Variants in GNAI3 observed in about 807,000 individuals in gnomAD.
The protein encoded by GNAI3 is guanine nucleotide-binding protein G(i) subunit alpha-3.
In GNAI3, 12 loss-of-function variants were observed where a neutral mutation model predicts 41.8. The ratio of observed to expected loss-of-function variants is 0.29; its 90% CI spans 0.18 to 0.47. The LOEUF (loss-of-function observed/expected upper bound fraction) is 0.47, where lower values mean the gene tolerates loss of function less well. Ranked by LOEUF, GNAI3 falls within the 20% of genes least tolerant of loss-of-function variation. The pLI, the probability that GNAI3 is intolerant of heterozygous loss-of-function variation, is 1.00. For synonymous variants in GNAI3, 132 were observed against 146.5 expected (o/e 0.90, Z 0.71); for missense variants, 360 against 429.6 (o/e 0.84, Z 1.43).
intron 1 of GNAI3, among the ~76,000 whole-genome samples, chr1:109,570,063 A>G (rs948802013): frequency 6.6e-6 from 1 of 152,170 alleles, no homozygotes; most frequent in Non-Finnish European, 1.5e-5. Flanking sequence ...ACTGGTATGC[A>G]TTTGTATTTT....
intron 1 of GNAI3, among the ~76,000 whole-genome samples, chr1:109,562,404 C>A (rs560171973): frequency 1.3e-5 from 2 of 152,096 alleles, no homozygotes; most frequent in Non-Finnish European, 2.9e-5. Flanking sequence ...GTCCTGGAAC[C>A]AGTCCCCTGC....
intron 7 of GNAI3, among the ~76,000 whole-genome samples, chr1:109,591,358 G>A (rs1168813945): frequency 6.6e-6 from 1 of 151,402 alleles, no homozygotes. Flanking sequence ...CCATCTTTTA[G>A]TAACATAAGG....
chr1:109,582,498 C>A lies in GNAI3; in HGVS notation c.523C>A (p.Leu175Ile). The stretch of plus-strand genomic sequence containing the variant: ...CTACATTCCAACTCAGCAAGATGTT[C>A]TTCGGACGAGAGTGAAGACCACAGG... Reference protein sequence around the residue: ...SNYIPTQQDVLRTRVKTTGIV... With the variant: ...SNYIPTQQDVIRTRVKTTGIV... The change falls in exon 5 of 9, where the codon CTT (leucine) becomes ATT (isoleucine). Residue 175 changes from leucine to isoleucine, a missense_variant. By Grantham distance (5) the Leu-to-Ile change is conservative. Transcript: ENST00000369851. 1 of 1,597,954 alleles carries A rather than the reference C, an allele frequency of 6.3e-7. No individual in the cohort carries two copies. Among genetic ancestry groups the A allele is most frequent in the South Asian group, 1.1e-5 (1 of 90,726 alleles).
intron 1 of GNAI3, among the ~76,000 whole-genome samples, chr1:109,559,347 A>C (rs1169868516): frequency 6.6e-6 from 1 of 152,208 alleles, no homozygotes; most frequent in East Asian, 1.9e-4. Flanking sequence ...TCACATCAGA[A>C]ATAGGAGATA....
intron 1 of GNAI3, among the ~76,000 whole-genome samples, chr1:109,555,653 G>A (rs1443359875): frequency 6.6e-6 from 1 of 151,858 alleles, no homozygotes; most frequent in Admixed American, 6.6e-5. Flanking sequence ...CTGCTACTAC[G>A]TTTCTTTAAA....
In GNAI3 at chr1:109,573,940, A is replaced by G; in HGVS notation, c.206A>G (p.Tyr69Cys). ...TATTCAGAGGATGAATGTAAACAATATAAAGTAGTTGTCTACAGCAATACT... is the reference window on the plus strand; with the variant it reads ...TATTCAGAGGATGAATGTAAACAATGTAAAGTAGTTGTCTACAGCAATACT... The part of the protein sequence containing the change: ...DGYSEDECKQ[Y>C]KVVVYSNTIQ... Residue 69 changes from tyrosine (Y) to cysteine (C), a missense_variant, in exon 3 of 9, where the codon TAT becomes TGT. Coordinates refer to ENST00000369851, the MANE Select transcript of GNAI3 (RefSeq NM_006496.4). The G allele has an allele frequency of 2.5e-6, 4 of 1,604,526 alleles. No individual in the cohort carries two copies. Among genetic ancestry groups the G allele is most frequent in the South Asian group, 1.1e-5 (1 of 90,774 alleles).
chr1:109,588,937 G>A (rs973197404), intron 7 of GNAI3, among the ~76,000 whole-genome samples: 2 of 152,172 alleles, frequency 1.3e-5, no homozygotes, highest in African/African-American at 4.8e-5. Context: ...GGTAAAGCAG[G>A]GGTAAGGAAG....
At position 109,595,478 on chromosome 1, in the gene GNAI3, T is replaced by A. The variant is rs941336178; in HGVS notation, c.*3156T>A. The A allele has an allele frequency of 3.0e-4, 46 of 152,182 alleles. 1 individual carries two copies. Among genetic ancestry groups the A allele is most frequent in the African/African-American group, 7.9e-4 (33 of 41,528 alleles). The allele number at this position is 152,182 out of a possible 1,614,324, so 9.4% of individuals were successfully genotyped here. A position where few individuals can be genotyped will look rare whatever the true frequency, so the allele number is the denominator to read the frequency against. On this transcript the variant is annotated 3_prime_UTR_variant, in exon 9 of 9. Coordinates refer to ENST00000369851, the MANE Select transcript of GNAI3 (RefSeq NM_006496.4). The stretch of plus-strand genomic sequence containing the variant: ...TGTAAGACTAGATGGACCAAAATTT[T>A]AAAAAAAACTTCTTGCCTTGTTTTT...
chr1:109,587,494 T>C (rs1411132292), intron 7 of GNAI3, among the ~76,000 whole-genome samples: 2 of 152,002 alleles, frequency 1.3e-5, no homozygotes, highest in Non-Finnish European at 2.9e-5. Flanking sequence ...GAGGATGAAA[T>C]AGAAATCATC....
chr1:109,579,346 A>G lies in GNAI3; in HGVS notation c.446A>G (p.Asn149Ser). 3 of 1,612,592 alleles carry G rather than the reference A, an allele frequency of 1.9e-6. No individual in the cohort carries two copies. Among genetic ancestry groups the G allele is most frequent in the East Asian group, 2.2e-5 (1 of 44,884 alleles). ...AGCAGATCCAGGGAATATCAGCTCA[A>G]TGATTCTGCTTCATAGTAAGTAATT... ...CFSRSREYQLNDSASYYLNDL... is the reference protein window; with the variant it reads ...CFSRSREYQLSDSASYYLNDL... The change falls in exon 4 of 9, where the codon AAT becomes AGT. Residue 149 changes from asparagine to serine, a missense_variant. Transcript: ENST00000369851.
At chr1:109,579,078 A>G (rs1395963253) in intron 3 of GNAI3, 126 bp from the exon 4 acceptor site, 1 of 703,364 alleles carries the variant, frequency 1.4e-6, no homozygotes, top group Non-Finnish European at 2.4e-6. Context: ...CTGGCCTGTC[A>G]GAAAAGGTCT....
chr1:109,568,782 C>G (rs1648521148), intron 1 of GNAI3, among the ~76,000 whole-genome samples: 1 of 152,126 alleles, frequency 6.6e-6, no homozygotes, highest in African/African-American at 2.4e-5. Context: ...CTCCTGGGCT[C>G]AAGAGATTTT....
At chr1:109,553,830 A>G (rs1321208742) in intron 1 of GNAI3, among the ~76,000 whole-genome samples, 7 of 152,278 alleles carry the variant, frequency 4.6e-5, no homozygotes, top group East Asian at 3.9e-4. Flanking sequence ...ACTGTACCCA[A>G]TGTATAGTCC....
At chr1:109,556,107 A>G (rs545369786) in intron 1 of GNAI3, among the ~76,000 whole-genome samples, 9 of 151,510 alleles carry the variant, frequency 5.9e-5, no homozygotes, top group South Asian at 4.2e-4. Flanking sequence ...TGCAATCTCA[A>G]TGCAACCTCT....
intron 1 of GNAI3, among the ~76,000 whole-genome samples, chr1:109,571,143 G>A (rs1320244683): frequency 6.6e-6 from 1 of 152,162 alleles, no homozygotes; most frequent in Non-Finnish European, 1.5e-5. Context: ...GGTGAATGTT[G>A]GTGCCATTTA....
rs878925534 is a variant in GNAI3, at chr1:109,599,123, A to C, written c.*6801A>C. On this transcript the variant is annotated 3_prime_UTR_variant, in exon 9 of 9. Coordinates refer to ENST00000369851, the MANE Select transcript of GNAI3 (RefSeq NM_006496.4). ...CCAGAGTAGGAACTGTTTCAAGTTA[A>C]TGTGTCTTTTATGTTGCTTTTAAGA... 7.1e-5 allele frequency: 16 copies of C among 224,706 alleles called. No homozygotes were observed. The Middle Eastern group carries it at 2.8e-3, about 39-fold the overall frequency. 13.9% of individuals were successfully genotyped at this position (224,706 alleles called of 1,614,324 possible). A position where few individuals can be genotyped will look rare whatever the true frequency, so the allele number is the denominator to read the frequency against.
Position 109,592,197 on chromosome 1 carries a change from C to A in GNAI3, c.1029C>A (p.Ile343=), listed in dbSNP as rs1370878525. 1.9e-6 allele frequency: 3 copies of A among 1,612,940 alleles called. No individual in the cohort carries two copies. Among genetic ancestry groups the A allele is most frequent in the East Asian group, 2.2e-5 (1 of 44,866 alleles). ...TTTTTGATGCTGTTACAGATGTCAT[C>A]ATTAAAAACAACTTAAAGGAATGTG... The part of the protein sequence containing the change: ...QFVFDAVTDV[I]IKNNLKECGL... Residue 343 remains isoleucine, a synonymous_variant, in exon 8 of 9, where the codon ATC becomes ATA. Coordinates refer to ENST00000369851, the MANE Select transcript of GNAI3 (RefSeq NM_006496.4).
intron 1 of GNAI3, among the ~76,000 whole-genome samples, chr1:109,572,928 A>G (rs1343911279): frequency 6.6e-6 from 1 of 152,134 alleles, no homozygotes; most frequent in East Asian, 1.9e-4. Flanking sequence ...AGAGAATATT[A>G]ATGGAGGTAC....
intron 1 of GNAI3, among the ~76,000 whole-genome samples, chr1:109,561,203 T>C (rs1648300571): frequency 6.6e-6 from 1 of 152,188 alleles, no homozygotes; most frequent in Non-Finnish European, 1.5e-5. Flanking sequence ...GTAATTAAAA[T>C]CCACATTCAT....
Sources: gnomAD v4.1 joint callset for allele counts (sites outside exome capture counted in the v4.1 genomes callset) on GRCh38, gnomAD v4.1.1 for gene constraint, MANE v1.5 for transcripts, NCBI Gene and HGNC (gene_info 2026-07-23, HGNC 2026-07-21) for gene names.